FIBCD1: variants seen among roughly 807,000 people sequenced by gnomAD.
FIBCD1 encodes fibrinogen C domain-containing protein 1.
In FIBCD1, 47 loss-of-function variants were observed where a neutral mutation model predicts 45.1. That is an observed-to-expected ratio of 1.04 (90% CI 0.82 to 1.33). The LOEUF (loss-of-function observed/expected upper bound fraction) is 1.33, where lower values mean the gene tolerates loss of function less well. FIBCD1 is among the 40% of genes most tolerant of loss of function. FIBCD1 has a pLI of 0.00. For missense variants in FIBCD1, 653 were observed against 682.2 expected (o/e 0.96, Z 0.48); for synonymous variants, 313 against 308.1 (o/e 1.02, Z -0.17).
intron 2 of FIBCD1, 134 bp downstream of exon 2, chr9:130,929,433 G>C: frequency 8.4e-7 from 1 of 1,186,380 alleles, no homozygotes; most frequent in Admixed American, 3.1e-5. Flanking sequence ...TCTGTAGATG[G>C]GAACAGCAGT....
At chr9:130,912,093 T>G (rs912127805) in intron 4 of FIBCD1, among the ~76,000 whole-genome samples, 3 of 151,818 alleles carry the variant, frequency 2.0e-5, no homozygotes, top group African/African-American at 7.3e-5. Context: ...TCATGGTGGC[T>G]CGAGGTGGGA....
At chr9:130,905,704 G>A (rs1831915622) in intron 5 of FIBCD1, among the ~76,000 whole-genome samples, 1 of 152,196 alleles carries the variant, frequency 6.6e-6, no homozygotes, top group Admixed American at 6.5e-5. Flanking sequence ...GGAGGCGGGA[G>A]GAGGTGGGGG....
chr9:130,915,628 A>G (rs1482294853), intron 4 of FIBCD1, among the ~76,000 whole-genome samples: 1 of 152,176 alleles, frequency 6.6e-6, no homozygotes, highest in Middle Eastern at 3.2e-3. Flanking sequence ...ACTTGAACCC[A>G]GGAGGCGTGG....
At chr9:130,937,959 A>G (rs1373307451) in intron 1 of FIBCD1, 1 of 152,364 alleles carries the variant, frequency 6.6e-6, no homozygotes, top group Non-Finnish European at 1.5e-5. Flanking sequence ...GGAGCCAACC[A>G]TCTCTGAGCC....
rs993475256 is a variant in FIBCD1 at position 130,926,434 on chromosome 9, T to C, written c.553-2038A>G. Among the ~76,000 whole-genome samples, 1 of 152,198 alleles carries C rather than the reference T, an allele frequency of 6.6e-6. No homozygotes were observed. Among genetic ancestry groups the C allele is most frequent in the Non-Finnish European group, 1.5e-5 (1 of 68,024 alleles). ...GCTGGACAGCGCTTAGCGGTAGTGG[T>C]GTCAGAGCTGCTGTCCCCGGCACTG... On this transcript the variant is annotated intron_variant, in intron 2 of 6. Transcript: ENST00000372338. This position sits in a 1 kb window ranked among gnomAD's most constrained non-coding sequence, Gnocchi z 4.1.
At chr9:130,916,428 C>T (rs985336235) in intron 4 of FIBCD1, among the ~76,000 whole-genome samples, 2 of 152,182 alleles carry the variant, frequency 1.3e-5, no homozygotes, top group Non-Finnish European at 2.9e-5. Flanking sequence ...GGGCCCTGTG[C>T]TAGGATCTCG....
intron 1 of FIBCD1, chr9:130,933,727 T>TGGGGGGGGGGGGGGGGGG (rs1179362614): frequency 6.9e-4 from 35 of 50,606 alleles, no homozygotes; most frequent in African/African-American, 1.1e-3. Context: ...GGCGGGCGGG[T>TGGGGGGGGGGGGGGGGGG]GGGGGGGGGG....
Position 130,930,057 on chromosome 9 carries a change from G to C in FIBCD1, c.73-11C>G. The C allele has an allele frequency of 6.7e-7, 1 of 1,498,668 alleles. No homozygotes were observed. Among genetic ancestry groups the C allele is most frequent in the African/African-American group, 1.4e-5 (1 of 72,242 alleles). The allele number at this position is 1,498,668 out of a possible 1,614,324, so 92.8% of individuals were successfully genotyped here. On this transcript the variant is annotated splice_polypyrimidine_tract_variant and intron_variant, in intron 1 of 6. Transcript: ENST00000372338. ...GCCGCAGCTCGGCCGCTGCAGGCCC[G>C]CCCGGGACGCACAGACACAGACAGA...
At position 130,929,844 on chromosome 9, in the gene FIBCD1, A is replaced by G; in HGVS notation, c.275T>C (p.Ile92Thr). ...GTCGGGGCAGCGCGGGTCAATGAGG[A>G]TGCTGAGGTGCGAGCTGTCCGCCCT... is the stretch of plus-strand genomic sequence containing the variant. Reference protein sequence around the residue: ...VERADSSHLSILIDPRCPDLT... With the variant: ...VERADSSHLSTLIDPRCPDLT... Residue 92 changes from isoleucine to threonine, a missense_variant, in exon 2 of 7, where the codon ATC (isoleucine) becomes ACC (threonine). By Grantham distance (89) the Ile-to-Thr change is moderately conservative. Coordinates refer to ENST00000372338, the MANE Select transcript of FIBCD1 (RefSeq NM_032843.5). 3 of 1,549,806 alleles carry G rather than the reference A, an allele frequency of 1.9e-6. No individual in the cohort carries two copies. The highest frequency in any genetic ancestry group is 2.6e-6 in the Non-Finnish European group (3 of 1,146,706).
intron 5 of FIBCD1, among the ~76,000 whole-genome samples, chr9:130,906,933 T>C (rs921724777): frequency 3.4e-4 from 51 of 152,142 alleles, no homozygotes; most frequent in African/African-American, 1.2e-3. Context: ...GGAGTGCCTA[T>C]TACTACCTAT....
chr9:130,914,409 C>T (rs193133163), intron 4 of FIBCD1, among the ~76,000 whole-genome samples: 1 of 152,364 alleles, frequency 6.6e-6, no homozygotes, highest in Admixed American at 6.5e-5. Flanking sequence ...GTGCAAGAGG[C>T]AGGACAGACT....
Position 130,926,887 on chromosome 9 carries a change from G to A in FIBCD1, c.553-2491C>T, listed in dbSNP as rs187415236. Among the ~76,000 whole-genome samples, 10 of 152,246 alleles carry A rather than the reference G, an allele frequency of 6.6e-5. No individual in the cohort carries two copies. Among genetic ancestry groups the A allele is most frequent in the East Asian group, 5.8e-4 (3 of 5,186 alleles). On this transcript the variant is annotated intron_variant, in intron 2 of 6. Transcript: ENST00000372338. The surrounding 1 kb of genome is among the most constrained non-coding windows in gnomAD (Gnocchi z 4.1). Reference sequence around the variant, plus strand: ...ATAACAAATGTACTAACCTCCTGGCGTTATGGGGCTGCAAAGTGCCTATTA... The same window carrying A: ...ATAACAAATGTACTAACCTCCTGGCATTATGGGGCTGCAAAGTGCCTATTA...
chr9:130,921,662 C>A (rs56322285), intron 4 of FIBCD1, among the ~76,000 whole-genome samples: 2,610 of 152,350 alleles, frequency 0.017, 32 homozygotes, highest in Non-Finnish European at 0.025. Context: ...GCATGGCCCG[C>A]TCCGGCGTCC....
chr9:130,919,153 T>A (rs933031229), intron 4 of FIBCD1, among the ~76,000 whole-genome samples: 3 of 152,328 alleles, frequency 2.0e-5, no homozygotes, highest in African/African-American at 7.2e-5. Flanking sequence ...GCCCTGCACG[T>A]GCATTGTCCT....
intron 3 of FIBCD1, 111 bp from the exon 4 acceptor site, chr9:130,923,991 G>A: frequency 2.0e-6 from 3 of 1,520,074 alleles, no homozygotes; most frequent in Non-Finnish European, 2.7e-6. Flanking sequence ...ATGGGGTTGA[G>A]AGAGCACTGG....
At chr9:130,934,254 C>T (rs1223920674) in intron 1 of FIBCD1, among the ~76,000 whole-genome samples, 1 of 152,132 alleles carries the variant, frequency 6.6e-6, no homozygotes, top group Non-Finnish European at 1.5e-5. Context: ...GAGCCCTGGC[C>T]CTGGCAGAGG....
rs1212257520 is a variant in FIBCD1, at chr9:130,930,324, A to ACGGGGAGACG, written c.73-288_73-279dup. 3.4e-3 allele frequency among the ~76,000 whole-genome samples: 509 copies of ACGGGGAGACG among 151,388 alleles called. 2 individuals carry two copies. Among genetic ancestry groups the ACGGGGAGACG allele is most frequent in the African/African-American group, 0.011 (451 of 41,156 alleles). ...AGGGGAGGTGGAGACATAGGGAGAGACGGGGAGACGCGGGGAGACGCAGGG... is the reference window on the plus strand; with the variant it reads ...AGGGGAGGTGGAGACATAGGGAGAGACGGGGAGACGCGGGGAGACGCGGGGAGACGCAGGG... On this transcript the variant is annotated intron_variant, in intron 1 of 6. Coordinates refer to ENST00000372338, the MANE Select transcript of FIBCD1 (RefSeq NM_032843.5).
Position 130,906,128 on chromosome 9 carries a change from C to T in FIBCD1, c.947-715G>A, listed in dbSNP as rs563111850. On this transcript the variant is annotated intron_variant, in intron 5 of 6. Coordinates refer to ENST00000372338, the MANE Select transcript of FIBCD1 (RefSeq NM_032843.5). ...TGGCGGCACCCTCACCCCTCTAGGC[C>T]GGCTCTGTGCCCCCATCCTACTCTC... Among the ~76,000 whole-genome samples, 223 of 152,144 alleles carry T rather than the reference C, an allele frequency of 1.5e-3. 1 individual carries two copies. Among genetic ancestry groups the T allele is most frequent in the South Asian group, 8.7e-3 (42 of 4,808 alleles).
intron 1 of FIBCD1, among the ~76,000 whole-genome samples, chr9:130,930,409 G>T (rs1040599609): frequency 6.6e-6 from 1 of 151,124 alleles, no homozygotes; most frequent in Non-Finnish European, 1.5e-5. Flanking sequence ...GAGATGCGGG[G>T]AGACGCGGGG....
Sources: allele counts gnomAD v4.1 joint callset (sites outside exome capture counted in the v4.1 genomes callset), GRCh38; gene constraint gnomAD v4.1.1; non-coding constraint Gnocchi (gnomAD v3.1); transcripts MANE v1.5; gene names NCBI Gene and HGNC (gene_info 2026-07-23, HGNC 2026-07-21).